HTRA3: variants seen among roughly 807,000 people sequenced by gnomAD.
HTRA3 encodes the protein HtrA serine peptidase 3.
HTRA3 carries 41 observed loss-of-function variants against 43.2 expected under a neutral mutation model. The ratio of observed to expected loss-of-function variants is 0.95; its 90% CI spans 0.74 to 1.23. The LOEUF (loss-of-function observed/expected upper bound fraction) is 1.23, where lower values mean the gene tolerates loss of function less well. Among genes scored for constraint, HTRA3 ranks in the 50% most tolerant of loss-of-function variants. HTRA3 has a pLI of 0.00. For synonymous variants in HTRA3, 295 were observed against 287.9 expected (o/e 1.02, Z -0.25); for missense variants, 628 against 647.1 (o/e 0.97, Z 0.32).
chr4:8,302,094 A>G (rs1713675647), intron 6 of HTRA3, among the ~76,000 whole-genome samples: 1 of 152,218 alleles, frequency 6.6e-6, no homozygotes, highest in South Asian at 2.1e-4. Context: ...TTCAGTTCCA[A>G]GCAGGGAACA....
intron 4 of HTRA3, among the ~76,000 whole-genome samples, 176 bp from the exon 5 acceptor site, chr4:8,292,145 C>G (rs1713271923): frequency 6.6e-6 from 1 of 152,252 alleles, no homozygotes; most frequent in Non-Finnish European, 1.5e-5. Context: ...CATCAGGCAG[C>G]CATCCACATG....
chr4:8,287,066 C>A (rs1369460008), intron 3 of HTRA3, among the ~76,000 whole-genome samples: 2 of 152,232 alleles, frequency 1.3e-5, no homozygotes, highest in Non-Finnish European at 2.9e-5. Context: ...ATATCACACC[C>A]CACGGAGGCT....
chr4:8,278,946 G>A (rs1408352010), intron 1 of HTRA3, among the ~76,000 whole-genome samples: 1 of 152,090 alleles, frequency 6.6e-6, no homozygotes, highest in African/African-American at 2.4e-5. Flanking sequence ...CATCAAGAAG[G>A]GCCCCCTTGA....
intron 1 of HTRA3, among the ~76,000 whole-genome samples, chr4:8,274,692 G>A (rs1338898157): frequency 1.3e-5 from 2 of 152,196 alleles, no homozygotes. Context: ...TAAAAGCAGG[G>A]ATAAATGCGT....
intron 5 of HTRA3, 75 bp from the exon 6 acceptor site, chr4:8,294,012 G>A (rs2153006348): frequency 2.1e-6 from 2 of 955,688 alleles, no homozygotes; most frequent in South Asian, 1.5e-5. Context: ...AAACAGAGCT[G>A]TGGACACAGT....
chr4:8,270,332 C>CA lies in HTRA3; in HGVS notation c.365dup (p.Lys123GlufsTer23). 1 of 1,434,748 alleles carries CA rather than the reference C, an allele frequency of 7.0e-7. No individual in the cohort carries two copies. Among genetic ancestry groups the CA allele is most frequent in the East Asian group, 2.9e-5 (1 of 34,062 alleles). 88.9% of individuals were successfully genotyped at this position (1,434,748 alleles called of 1,614,324 possible). The stretch of plus-strand genomic sequence containing the variant: ...CTCCGGGACGCCCGTGCGCCAGCTG[C>CA]AGAAGGGCGCCTGCCCGTTGGGTAA... On this transcript the variant is annotated frameshift_variant, in exon 1 of 9. Transcript: ENST00000307358. LOFTEE classifies it high-confidence loss of function.
chr4:8,274,466 G>A (rs539756240), intron 1 of HTRA3, among the ~76,000 whole-genome samples: 1 of 152,350 alleles, frequency 6.6e-6, no homozygotes, highest in East Asian at 1.9e-4. Context: ...AAGCCTCGCC[G>A]GGCAGGGGCC....
At position 8,269,776 on chromosome 4, in the gene HTRA3, C is replaced by G. The variant is rs959071469; in HGVS notation, c.-193C>G. 6.3e-6 allele frequency: 1 copy of G among 159,532 alleles called. No individual in the cohort carries two copies. Among genetic ancestry groups the G allele is most frequent in the African/African-American group, 2.4e-5 (1 of 41,522 alleles). 9.9% of individuals were successfully genotyped at this position (159,532 alleles called of 1,614,324 possible). On this transcript the variant is annotated 5_prime_UTR_variant, in exon 1 of 9. Coordinates refer to ENST00000307358, the MANE Select transcript of HTRA3 (RefSeq NM_053044.5). ...ACCGTCAGGCTGGAGGGAGCTGGTC[C>G]CTGCGCTCCCTGCGCCCTGGGGATG...
intron 6 of HTRA3, among the ~76,000 whole-genome samples, chr4:8,299,936 C>T (rs909864933): frequency 6.6e-6 from 1 of 151,054 alleles, no homozygotes; most frequent in Non-Finnish European, 1.5e-5. Flanking sequence ...ACCTCCCAGG[C>T]TCAAGTGATT....
intron 1 of HTRA3, among the ~76,000 whole-genome samples, chr4:8,280,639 C>T (rs2153004483): frequency 6.6e-6 from 1 of 152,306 alleles, no homozygotes; most frequent in South Asian, 2.1e-4. Context: ...CCTGGGCCCA[C>T]AGCAGGCCCT....
At chr4:8,300,183 G>T (rs1263376967) in intron 6 of HTRA3, among the ~76,000 whole-genome samples, 2 of 152,152 alleles carry the variant, frequency 1.3e-5, no homozygotes, top group Non-Finnish European at 2.9e-5. Context: ...TTTGTTTAAA[G>T]AATTTTTGTA....
chr4:8,287,281 G>T (rs904126993), intron 3 of HTRA3, among the ~76,000 whole-genome samples: 1 of 152,138 alleles, frequency 6.6e-6, no homozygotes, highest in African/African-American at 2.4e-5. Context: ...TTCCTCCACC[G>T]GCTGTTTCTG....
rs117701928 is a variant in HTRA3 at position 8,274,932 on chromosome 4, T to A, written c.385+4579T>A. On this transcript the variant is annotated intron_variant, in intron 1 of 8. Coordinates refer to ENST00000307358, the MANE Select transcript of HTRA3 (RefSeq NM_053044.5). ...GTTGTATTTATTGAAGAACTTGGGT[T>A]GGCTTTTGATTTGTAATCCTCTTAG... 1.8e-3 allele frequency among the ~76,000 whole-genome samples: 276 copies of A among 152,352 alleles called. 9 individuals carry two copies. The East Asian group carries it at 0.049, about 27-fold the overall frequency.
rs752550195 is a variant in HTRA3 at position 8,297,538 on chromosome 4, G to A, written c.1051+3337G>A. Among the ~76,000 whole-genome samples the A allele has an allele frequency of 1.3e-5, 2 of 152,124 alleles. No homozygotes were observed. The highest frequency in any genetic ancestry group is 1.3e-4 in the Admixed American group (2 of 15,282). Reference sequence around the variant, plus strand: ...TCAAAGTGAGGGGTGCTGGGAGGAGGCTGGGGCAGGGCTGTGGCCTCGAGG... The same window carrying A: ...TCAAAGTGAGGGGTGCTGGGAGGAGACTGGGGCAGGGCTGTGGCCTCGAGG... On this transcript the variant is annotated intron_variant, in intron 6 of 8. Coordinates refer to ENST00000307358, the MANE Select transcript of HTRA3 (RefSeq NM_053044.5). This position sits in a 1 kb window ranked among gnomAD's most constrained non-coding sequence, Gnocchi z 5.8.
chr4:8,270,823 G>A (rs1263669736), intron 1 of HTRA3, among the ~76,000 whole-genome samples: 1 of 152,176 alleles, frequency 6.6e-6, no homozygotes. Context: ...CAGGGTGCAG[G>A]TCCCTGAACT....
chr4:8,300,915 T>C, intron 6 of HTRA3, among the ~76,000 whole-genome samples: 1 of 151,976 alleles, frequency 6.6e-6, no homozygotes, highest in East Asian at 1.9e-4. Flanking sequence ...CACTCTCAGC[T>C]TTATTATTGA....
chr4:8,278,798 A>G (rs28666773), intron 1 of HTRA3, among the ~76,000 whole-genome samples: 115,775 of 152,200 alleles, frequency 0.76, 44,507 homozygotes, highest in Middle Eastern at 0.85. Context: ...CTTTGCCTCT[A>G]AGCCTCAGTC....
Position 8,304,319 on chromosome 4 carries a change from G to A in HTRA3, c.1196+40G>A, listed in dbSNP as rs76109360. On this transcript the variant is annotated intron_variant, in intron 8 of 8. Transcript: ENST00000307358. ...AGGAGATCGCTCGAGGCATGGGGCA[G>A]GCGTGAGGTCTGGGCTGGGGCTGCC... 5.8e-3 allele frequency: 8,927 copies of A among 1,547,948 alleles called. 456 individuals are homozygous for A. In the African/African-American group the frequency reaches 0.11, roughly 19 times the overall value.
intron 6 of HTRA3, 30 bp downstream of exon 6, chr4:8,294,231 G>T: frequency 6.7e-7 from 1 of 1,502,998 alleles, no homozygotes; most frequent in Non-Finnish European, 9.2e-7. Flanking sequence ...GGGGCCAGAG[G>T]CAGGGGGCAC....
Sources: allele counts gnomAD v4.1 joint callset (sites outside exome capture counted in the v4.1 genomes callset), GRCh38; gene constraint gnomAD v4.1.1; non-coding constraint Gnocchi (gnomAD v3.1); transcripts MANE v1.5; gene names NCBI Gene and HGNC (gene_info 2026-07-23, HGNC 2026-07-21).